The following GALNT17 variants were observed in gnomAD, a reference collection of about 807,000 sequenced individuals.
The protein encoded by GALNT17 is polypeptide N-acetylgalactosaminyltransferase 17.
GALNT17 carries 29 observed loss-of-function variants against 63.7 expected under a neutral mutation model. That is an observed-to-expected ratio of 0.46 (90% confidence interval 0.34 to 0.62). The LOEUF (loss-of-function observed/expected upper bound fraction) is 0.62. Among genes scored for constraint, GALNT17 ranks in the 20% least tolerant of loss-of-function variants. The pLI, the probability that GALNT17 is intolerant of heterozygous loss-of-function variation, is 0.01. For synonymous variants in GALNT17, 305 were observed against 318.3 expected (o/e 0.96, Z 0.45); for missense variants, 603 against 799.6 (o/e 0.75, Z 2.97).
intron 2 of GALNT17, among the ~76,000 whole-genome samples, chr7:71,388,001 A>G (rs1009581454): frequency 3.9e-5 from 6 of 152,146 alleles, no homozygotes; most frequent in African/African-American, 1.4e-4. Flanking sequence ...CTAACATTCT[A>G]ACTCACCACC....
intron 3 of GALNT17, among the ~76,000 whole-genome samples, chr7:71,410,749 T>C (rs1215934278): frequency 6.6e-6 from 1 of 152,212 alleles, no homozygotes; most frequent in African/African-American, 2.4e-5. Context: ...CAATTTATGC[T>C]CCATGAGCCT....
At chr7:71,145,314 G>C (rs570192692) in intron 1 of GALNT17, among the ~76,000 whole-genome samples, 8 of 152,222 alleles carry the variant, frequency 5.3e-5, no homozygotes, top group African/African-American at 1.7e-4. Context: ...TGGCAACAAA[G>C]CGAGACTCCA....
chr7:71,202,163 A>G (rs1325841967), intron 1 of GALNT17, among the ~76,000 whole-genome samples: 2 of 152,214 alleles, frequency 1.3e-5, no homozygotes, highest in Non-Finnish European at 2.9e-5. Context: ...ACATAAAACA[A>G]TATAAATAAG....
At chr7:71,702,421 A>C (rs915886318) in intron 9 of GALNT17, among the ~76,000 whole-genome samples, 2 of 152,174 alleles carry the variant, frequency 1.3e-5, no homozygotes, top group East Asian at 1.9e-4. Flanking sequence ...GGATTAAATA[A>C]GATGATCAAG....
chr7:71,588,647 T>G (rs1457207324), intron 6 of GALNT17, among the ~76,000 whole-genome samples: 1 of 152,180 alleles, frequency 6.6e-6, no homozygotes, highest in Non-Finnish European at 1.5e-5. Flanking sequence ...TTAGGTTGAT[T>G]CTACCCAGCA....
intron 1 of GALNT17, among the ~76,000 whole-genome samples, chr7:71,207,517 T>C (rs1464445384): frequency 6.6e-6 from 1 of 152,138 alleles, no homozygotes; most frequent in Non-Finnish European, 1.5e-5. Context: ...CCAGCTAAAA[T>C]GACTTAATCA....
chr7:71,420,891 A>G lies in GALNT17; in HGVS notation c.765-17A>G, dbSNP rs78727355. 8.9e-3 allele frequency: 13,835 copies of G among 1,560,300 alleles called. 1,063 individuals carry two copies. The African/African-American group carries it at 0.17, about 20-fold the overall frequency. On this transcript the variant is annotated splice_polypyrimidine_tract_variant and intron_variant, in intron 4 of 10. Transcript: ENST00000333538. The stretch of plus-strand genomic sequence containing the variant: ...GGGAGAGAAGAGAGGTTTCATGTCT[A>G]TTTCTCTATGTTTCAGGGCTGAGCC...
chr7:71,339,468 C>T (rs1214254521), intron 2 of GALNT17, among the ~76,000 whole-genome samples: 2 of 152,142 alleles, frequency 1.3e-5, no homozygotes, highest in African/African-American at 4.8e-5. Flanking sequence ...GGGCGGATCA[C>T]CTGAGGTCGG....
intron 1 of GALNT17, among the ~76,000 whole-genome samples, chr7:71,325,189 G>C (rs536215469): frequency 1.3e-4 from 20 of 152,326 alleles, no homozygotes; most frequent in African/African-American, 4.8e-4. Flanking sequence ...TTAAGCTTAT[G>C]GCTGCAATGG....
intron 9 of GALNT17, among the ~76,000 whole-genome samples, chr7:71,704,457 T>G (rs1347548813): frequency 6.7e-6 from 1 of 149,190 alleles, no homozygotes; most frequent in East Asian, 2.0e-4. Flanking sequence ...ATCTAGAGAT[T>G]CAATGCAATC....
intron 1 of GALNT17, among the ~76,000 whole-genome samples, chr7:71,263,075 C>G (rs1790414885): frequency 6.6e-6 from 1 of 152,132 alleles, no homozygotes; most frequent in African/African-American, 2.4e-5. Flanking sequence ...GACGGGCCAT[C>G]TGCAAACCAA....
In GALNT17 at chr7:71,686,079, C is replaced by T. The variant is rs578251939; in HGVS notation, c.1500+8773C>T. Among the ~76,000 whole-genome samples, 10 of 150,934 alleles carry T rather than the reference C, an allele frequency of 6.6e-5. No homozygotes were observed. In the Middle Eastern group the frequency reaches 0.01, roughly 156 times the overall value. On this transcript the variant is annotated intron_variant, in intron 9 of 10. Transcript: ENST00000333538. ...AAGCGATTCTCCTGCCTCAGCCTCC[C>T]GAGTAGCTGGGATTACAGGCACCTG...
At position 71,609,616 on chromosome 7, in the gene GALNT17, T is replaced by A. The variant is rs558213824; in HGVS notation, c.1080+38214T>A. Reference sequence around the variant, plus strand: ...GAGATGCTTTGATACGGGCATGCAATGCATAAAAATCACATTATGGAGAAT... The same window carrying A: ...GAGATGCTTTGATACGGGCATGCAAAGCATAAAAATCACATTATGGAGAAT... On this transcript the variant is annotated intron_variant, in intron 6 of 10. Coordinates refer to ENST00000333538, the MANE Select transcript of GALNT17 (RefSeq NM_022479.3). 2.0e-5 allele frequency among the ~76,000 whole-genome samples: 3 copies of A among 152,186 alleles called. No individual in the cohort carries two copies. In the East Asian group the frequency reaches 5.8e-4, roughly 29 times the overall value.
intron 5 of GALNT17, among the ~76,000 whole-genome samples, chr7:71,570,480 T>C (rs1393147682): frequency 6.6e-6 from 1 of 152,118 alleles, no homozygotes; most frequent in East Asian, 1.9e-4. Context: ...ATTCTCTTTT[T>C]CCTGGGGTGG....
intron 5 of GALNT17, among the ~76,000 whole-genome samples, chr7:71,499,882 C>T (rs1788153277): frequency 1.3e-5 from 2 of 149,914 alleles, no homozygotes; most frequent in South Asian, 2.1e-4. Context: ...GGGTGGTTAC[C>T]CCCATGCTGC....
chr7:71,242,089 G>A (rs1177022008), intron 1 of GALNT17, among the ~76,000 whole-genome samples: 1 of 151,856 alleles, frequency 6.6e-6, no homozygotes, highest in African/African-American at 2.4e-5. Flanking sequence ...AGAAGGTGGT[G>A]CCAGACCCTT....
intron 1 of GALNT17, among the ~76,000 whole-genome samples, chr7:71,290,919 C>T (rs182740140): frequency 4.6e-5 from 7 of 152,198 alleles, no homozygotes; most frequent in Admixed American, 2.0e-4. Flanking sequence ...GTGACCCTGG[C>T]GACATCACTC....
At chr7:71,554,332 C>T (rs1181399578) in intron 5 of GALNT17, among the ~76,000 whole-genome samples, 1 of 152,196 alleles carries the variant, frequency 6.6e-6, no homozygotes, top group Non-Finnish European at 1.5e-5. Flanking sequence ...CCTGCACACT[C>T]TCTGTTGCCT....
At chr7:71,219,064 C>T (rs559231909) in intron 1 of GALNT17, among the ~76,000 whole-genome samples, 1 of 152,154 alleles carries the variant, frequency 6.6e-6, no homozygotes, top group Non-Finnish European at 1.5e-5. Context: ...CAATAACTCA[C>T]ATTTATTGAC....
Sources: allele counts gnomAD v4.1 joint callset (sites outside exome capture counted in the v4.1 genomes callset), GRCh38; gene constraint gnomAD v4.1.1; transcripts MANE v1.5; gene names NCBI Gene and HGNC (gene_info 2026-07-23, HGNC 2026-07-21).